RYR2: variants seen among roughly 807,000 people sequenced by gnomAD.
The protein encoded by RYR2 is ryanodine receptor 2.
In RYR2, 227 loss-of-function variants were observed where a neutral mutation model predicts 601.1. That is an observed-to-expected ratio of 0.38 (90% confidence interval 0.34 to 0.42). The LOEUF (loss-of-function observed/expected upper bound fraction) is 0.42, where lower values mean the gene tolerates loss of function less well. RYR2 is among the 10% of genes least tolerant of loss of function. RYR2 has a pLI of 1.00. For missense variants in RYR2, 4,646 were observed against 6,156.5 expected (o/e 0.75, Z 8.21); for synonymous variants, 2,223 against 2,175.1 (o/e 1.02, Z -0.61).
chr1:237,109,708 C>T (rs1199902060), intron 1 of RYR2, among the ~76,000 whole-genome samples: 11 of 128,584 alleles, frequency 8.6e-5, no homozygotes, highest in Non-Finnish European at 1.6e-4. Flanking sequence ...GGCGACAGAG[C>T]GAGACTCCGT....
chr1:237,738,162 A>G (rs1691308376), intron 79 of RYR2, among the ~76,000 whole-genome samples: 1 of 152,136 alleles, frequency 6.6e-6, no homozygotes, highest in South Asian at 2.1e-4. Context: ...AGACTGTTGT[A>G]TGTGTCTTCC....
At chr1:237,069,979 T>C (rs570190890) in intron 1 of RYR2, among the ~76,000 whole-genome samples, 6 of 152,080 alleles carry the variant, frequency 3.9e-5, no homozygotes, top group Non-Finnish European at 5.9e-5. Context: ...CATTATAAAC[T>C]GGTCCAGTTA....
At chr1:237,274,294 A>G (rs1180156891) in intron 2 of RYR2, among the ~76,000 whole-genome samples, 1 of 151,534 alleles carries the variant, frequency 6.6e-6, no homozygotes, top group Non-Finnish European at 1.5e-5. Flanking sequence ...GTCCCATAAG[A>G]TCATAATGGA....
Position 237,830,568 on chromosome 1 carries a change from C to T in RYR2, c.14694C>T (p.Phe4898=), listed in dbSNP as rs542501813. ...CFICGIGNDY[F]DTVPHGFETH... is the part of the protein sequence containing the mutation. ...TCTGTGGGATAGGCAATGATTACTT[C>T]GACACAGTGCCACATGGCTTTGAAA... Residue 4898 remains phenylalanine (F), a synonymous_variant, in exon 103 of 105, where the codon TTC becomes TTT. Coordinates refer to ENST00000366574, the MANE Select transcript of RYR2 (RefSeq NM_001035.3). The T allele has an allele frequency of 2.8e-5, 45 of 1,611,114 alleles. No individual in the cohort carries two copies. Among genetic ancestry groups the T allele is most frequent in the East Asian group, 4.5e-5 (2 of 44,860 alleles).
chr1:237,709,015 C>A lies in RYR2; in HGVS notation c.10059C>A (p.Leu3353=), dbSNP rs370015676. 3.1e-5 allele frequency: 50 copies of A among 1,613,042 alleles called. No individual in the cohort carries two copies. The highest frequency in any genetic ancestry group is 4.2e-5 in the Non-Finnish European group (49 of 1,179,214). The change falls in exon 69 of 105, where the codon CTC becomes CTA. Residue 3353 remains leucine, a synonymous_variant. Coordinates refer to ENST00000366574, the MANE Select transcript of RYR2 (RefSeq NM_001035.3). ...EARGDMSEAE[L]LILDEFTTLA... ...GGGGGGACATGTCGGAGGCAGAACT[C>A]CTCATCCTAGATGAGTTCACCACAC...
chr1:237,366,522 C>T (rs1572000254), intron 5 of RYR2, among the ~76,000 whole-genome samples: 1 of 152,080 alleles, frequency 6.6e-6, no homozygotes, highest in East Asian at 1.9e-4. Context: ...TGGGCTCAGC[C>T]TCCTAGGTAG....
intron 12 of RYR2, among the ~76,000 whole-genome samples, chr1:237,423,704 G>A (rs16835238): frequency 0.14 from 21,232 of 152,092 alleles, 1,775 homozygotes; most frequent in East Asian, 0.27. Flanking sequence ...GGGTTACAGT[G>A]TGAGGATAAA....
At chr1:237,636,101 C>G (rs2139981) in intron 44 of RYR2, among the ~76,000 whole-genome samples, 1 of 151,666 alleles carries the variant, frequency 6.6e-6, no homozygotes, top group South Asian at 2.1e-4. Context: ...TTTGTATATT[C>G]TGTACACAAA....
chr1:237,226,206 A>T (rs1364589359), intron 1 of RYR2, among the ~76,000 whole-genome samples: 1 of 152,134 alleles, frequency 6.6e-6, no homozygotes, highest in Non-Finnish European at 1.5e-5. Flanking sequence ...GGAAAATTGC[A>T]TGTTGTTAGA....
Position 237,104,151 on chromosome 1 carries a change from A to G in RYR2, c.48+61582A>G, listed in dbSNP as rs146450162. 3.8e-3 allele frequency among the ~76,000 whole-genome samples: 582 copies of G among 152,256 alleles called. 1 individual carries two copies. Among genetic ancestry groups the G allele is most frequent in the Middle Eastern group, 6.8e-3 (2 of 294 alleles). ...TCTCCCACCTTTTCGTTTTGTAGGT[A>G]GAACCTGGAGGGAGCGGCAGTAATT... On this transcript the variant is annotated intron_variant, in intron 1 of 104. Transcript: ENST00000366574.
chr1:237,127,843 T>C (rs1284124373), intron 1 of RYR2, among the ~76,000 whole-genome samples: 4 of 133,412 alleles, frequency 3.0e-5, no homozygotes, highest in Non-Finnish European at 4.7e-5. Flanking sequence ...TGGGCAGAGG[T>C]GCTCCTCACT....
At chr1:237,609,905 G>A (rs759832370) in intron 35 of RYR2, among the ~76,000 whole-genome samples, 3 of 151,800 alleles carry the variant, frequency 2.0e-5, no homozygotes, top group Non-Finnish European at 4.4e-5. Context: ...TTATTCATTA[G>A]CATATCATCA....
At chr1:237,751,408 C>G (rs928010317) in intron 80 of RYR2, among the ~76,000 whole-genome samples, 3 of 152,156 alleles carry the variant, frequency 2.0e-5, no homozygotes, top group African/African-American at 7.2e-5. Context: ...TCATTCTTTT[C>G]TTTCCTTGTT....
intron 1 of RYR2, chr1:237,121,044 GTGTGTGTGCACA>G (rs1670715040): frequency 6.6e-6 from 1 of 151,978 alleles, no homozygotes; most frequent in African/African-American, 2.4e-5. Flanking sequence ...GTGTGTGTGT[GTGTGTGTGCACA>G]TGTGTGTGTG....
chr1:237,292,082 A>C (rs1434632061), intron 2 of RYR2, among the ~76,000 whole-genome samples: 3 of 152,216 alleles, frequency 2.0e-5, no homozygotes, highest in Non-Finnish European at 4.4e-5. Flanking sequence ...ATTGCTGTAA[A>C]AAAATAAATT....
intron 25 of RYR2, among the ~76,000 whole-genome samples, chr1:237,531,675 G>T (rs907611477): frequency 1.3e-5 from 2 of 152,070 alleles, no homozygotes; most frequent in Non-Finnish European, 2.9e-5. Context: ...TTTTACTCAG[G>T]TGCTCCATAA....
intron 11 of RYR2, 99 bp downstream of exon 11, chr1:237,417,222 G>T (rs1167924574): frequency 2.3e-6 from 2 of 874,388 alleles, no homozygotes; most frequent in Admixed American, 2.3e-5. Context: ...ACTACAGCAA[G>T]CAAGCGAACA....
intron 1 of RYR2, among the ~76,000 whole-genome samples, chr1:237,205,110 A>G (rs766694738): frequency 9.2e-5 from 14 of 152,198 alleles, no homozygotes; most frequent in Non-Finnish European, 1.6e-4. Flanking sequence ...CCCCCAAGGC[A>G]CTGCATAAGT....
intron 80 of RYR2, among the ~76,000 whole-genome samples, chr1:237,744,956 C>T (rs1691949854): frequency 6.6e-6 from 1 of 151,760 alleles, no homozygotes; most frequent in South Asian, 2.1e-4. Context: ...GCCACCACGC[C>T]CGGCTAAGCT....
Sources: gnomAD v4.1 joint callset for allele counts (sites outside exome capture counted in the v4.1 genomes callset) on GRCh38, gnomAD v4.1.1 for gene constraint, MANE v1.5 for transcripts, NCBI Gene and HGNC (gene_info 2026-07-23, HGNC 2026-07-21) for gene names.